Variants in TMEM178B observed in about 807,000 individuals in gnomAD.
The protein encoded by TMEM178B is transmembrane protein 178B.
TMEM178B carries 5 observed loss-of-function variants against 31.0 expected under a neutral mutation model. That is an observed-to-expected ratio of 0.16 (90% confidence interval 0.08 to 0.34). The LOEUF is 0.34. Among genes scored for constraint, TMEM178B ranks in the 10% least tolerant of loss-of-function variants. TMEM178B has a pLI of 1.00. For missense variants in TMEM178B, 275 were observed against 400.3 expected (o/e 0.69, Z 2.67); for synonymous variants, 164 against 164.0 (o/e 1.00, Z 0.00).
intron 2 of TMEM178B, among the ~76,000 whole-genome samples, chr7:141,299,580 G>A (rs1374475712): frequency 6.6e-6 from 1 of 152,080 alleles, no homozygotes; most frequent in East Asian, 1.9e-4. Context: ...TCTTTATCCT[G>A]GAGGTTCCCT....
chr7:141,097,793 CT>C lies in TMEM178B; in HGVS notation c.382+23118del, dbSNP rs552569756. On this transcript the variant is annotated intron_variant, in intron 1 of 3. Coordinates refer to ENST00000565468, the MANE Select transcript of TMEM178B (RefSeq NM_001195278.2). ...ATGTTTCTTTTCTTTTTCTTTCTTTCTTTTTTTTTTTTTTTTTGAGACAAAG... is the reference window on the plus strand; with the variant it reads ...ATGTTTCTTTTCTTTTTCTTTCTTTCTTTTTTTTTTTTTTTTGAGACAAAG... Among the ~76,000 whole-genome samples the C allele has an allele frequency of 1.6e-3, 207 of 125,910 alleles. 1 individual carries two copies. The highest frequency in any genetic ancestry group is 8.0e-3 in the South Asian group (31 of 3,860). 82.6% of individuals were successfully genotyped at this position (125,910 alleles called of 152,430 possible).
At chr7:141,292,827 G>A (rs1022092463) in intron 2 of TMEM178B, among the ~76,000 whole-genome samples, 1 of 151,692 alleles carries the variant, frequency 6.6e-6, no homozygotes, top group Admixed American at 6.6e-5. Flanking sequence ...TAGTAGAGAT[G>A]GTGTTTCACC....
At chr7:141,164,486 G>T (rs1335535841) in intron 1 of TMEM178B, among the ~76,000 whole-genome samples, 2 of 152,166 alleles carry the variant, frequency 1.3e-5, no homozygotes, top group African/African-American at 4.8e-5. Flanking sequence ...TGTTTGCTTT[G>T]TTGCCGGTGA....
chr7:141,432,640 A>G (rs1801457491), intron 2 of TMEM178B, among the ~76,000 whole-genome samples: 1 of 152,084 alleles, frequency 6.6e-6, no homozygotes, highest in African/African-American at 2.4e-5. Flanking sequence ...TTTTAATAGT[A>G]TTCTGTTTTT....
chr7:141,344,824 A>T lies in TMEM178B; in HGVS notation c.497-92784A>T, dbSNP rs1324432467. Among the ~76,000 whole-genome samples, 1 of 152,196 alleles carries T rather than the reference A, an allele frequency of 6.6e-6. No individual in the cohort carries two copies. The highest frequency in any genetic ancestry group is 1.5e-5 in the Non-Finnish European group (1 of 68,032). ...GGAACTCAGAACGAGCTGTCTGTTA[A>T]CTGTGGCTCTGCCACCGGCTGGCTG... is the stretch of plus-strand genomic sequence containing the variant. On this transcript the variant is annotated intron_variant, in intron 2 of 3. Transcript: ENST00000565468. The surrounding 1 kb of genome is among the most constrained non-coding windows in gnomAD (Gnocchi z 4.1).
At chr7:141,256,066 C>T (rs1160987857) in intron 2 of TMEM178B, among the ~76,000 whole-genome samples, 1 of 152,118 alleles carries the variant, frequency 6.6e-6, no homozygotes, top group Non-Finnish European at 1.5e-5. Flanking sequence ...ATCCCTCCAT[C>T]CCTCCATCCA....
At chr7:141,274,805 A>C (rs1250355105) in intron 2 of TMEM178B, among the ~76,000 whole-genome samples, 3 of 152,134 alleles carry the variant, frequency 2.0e-5, no homozygotes, top group African/African-American at 7.2e-5. Flanking sequence ...CAGCTGGAGG[A>C]GGGCCAAATC....
intron 1 of TMEM178B, among the ~76,000 whole-genome samples, chr7:141,201,259 G>A (rs1796872805): frequency 6.6e-6 from 1 of 152,202 alleles, no homozygotes; most frequent in Non-Finnish European, 1.5e-5. Flanking sequence ...CTGGGAGCCG[G>A]TGGCCCTACT....
At chr7:141,436,398 A>G (rs1337223160) in intron 2 of TMEM178B, among the ~76,000 whole-genome samples, 1 of 152,180 alleles carries the variant, frequency 6.6e-6, no homozygotes, top group Non-Finnish European at 1.5e-5. Context: ...GCTGTTCTGC[A>G]ACCCCCTGGG....
intron 2 of TMEM178B, among the ~76,000 whole-genome samples, chr7:141,301,648 C>A (rs868588610): frequency 2.0e-4 from 30 of 152,198 alleles, no homozygotes; most frequent in African/African-American, 7.0e-4. Flanking sequence ...AGCAGTGTTT[C>A]GTAGGTGTGT....
At chr7:141,458,460 TC>T (rs1453271121) in intron 3 of TMEM178B, among the ~76,000 whole-genome samples, 2 of 152,170 alleles carry the variant, frequency 1.3e-5, no homozygotes, top group Non-Finnish European at 2.9e-5. Context: ...CCTTCCAAGT[TC>T]CATGCTTCTG....
intron 2 of TMEM178B, among the ~76,000 whole-genome samples, chr7:141,325,642 G>T (rs969077603): frequency 1.3e-5 from 2 of 152,174 alleles, no homozygotes; most frequent in African/African-American, 4.8e-5. Context: ...GACTTCTTGG[G>T]AAGGCCACAG....
chr7:141,439,318 G>A (rs746472478), intron 3 of TMEM178B, among the ~76,000 whole-genome samples: 18 of 152,096 alleles, frequency 1.2e-4, no homozygotes, highest in South Asian at 2.1e-4. Context: ...CCTCCTCAGT[G>A]AGCCCCACAC....
At chr7:141,449,285 C>T (rs1037318346) in intron 3 of TMEM178B, among the ~76,000 whole-genome samples, 2 of 151,876 alleles carry the variant, frequency 1.3e-5, no homozygotes, top group Non-Finnish European at 2.9e-5. Context: ...AAGCTGTTCC[C>T]AGGAAACAAG....
chr7:141,306,598 A>T (rs1404892758), intron 2 of TMEM178B, among the ~76,000 whole-genome samples: 2 of 150,200 alleles, frequency 1.3e-5, no homozygotes. Flanking sequence ...AAATACATGG[A>T]GTTTCCATGG....
intron 1 of TMEM178B, among the ~76,000 whole-genome samples, chr7:141,154,833 G>A (rs1796040596): frequency 1.3e-5 from 2 of 151,738 alleles, no homozygotes; most frequent in East Asian, 1.9e-4. Flanking sequence ...AGGTTCAAAC[G>A]ATTCTCCTGC....
chr7:141,253,544 C>CTTTTTTTTTTT (rs34199017), intron 2 of TMEM178B, among the ~76,000 whole-genome samples: 4 of 70,042 alleles, frequency 5.7e-5, no homozygotes, highest in East Asian at 5.3e-4. Flanking sequence ...ATTTTCCCTT[C>CTTTTTTTTTTT]TTTTTTTTTT....
intron 2 of TMEM178B, among the ~76,000 whole-genome samples, chr7:141,390,600 C>G (rs895146608): frequency 5.3e-5 from 8 of 152,182 alleles, no homozygotes; most frequent in Non-Finnish European, 1.2e-4. Flanking sequence ...TTCACCTTGC[C>G]TTTGCGTTTT....
intron 1 of TMEM178B, among the ~76,000 whole-genome samples, chr7:141,177,346 G>A (rs763381354): frequency 1.3e-5 from 2 of 152,168 alleles, no homozygotes; most frequent in Non-Finnish European, 2.9e-5. Flanking sequence ...CGTTTGCTGA[G>A]GAGTGTTTCA....
Sources: allele counts gnomAD v4.1 joint callset (sites outside exome capture counted in the v4.1 genomes callset), GRCh38; gene constraint gnomAD v4.1.1; non-coding constraint Gnocchi (gnomAD v3.1); transcripts MANE v1.5; gene names NCBI Gene and HGNC (gene_info 2026-07-23, HGNC 2026-07-21).